ADCY6: variants seen among roughly 807,000 people sequenced by gnomAD.
ADCY6 encodes adenylate cyclase 6.
In ADCY6, 59 loss-of-function variants were observed where a neutral mutation model predicts 111.6. The ratio of observed to expected loss-of-function variants is 0.53; its 90% CI spans 0.43 to 0.66. ADCY6 has a LOEUF of 0.66. Among genes scored for constraint, ADCY6 ranks in the 30% least tolerant of loss-of-function variants. The pLI is 0.00. For missense variants in ADCY6, 1,242 were observed against 1,595.6 expected, an observed-to-expected ratio of 0.78 and a Z score of 3.78; for synonymous variants, 576 against 642.9, an observed-to-expected ratio of 0.90 and a Z score of 1.57.
chr12:48,769,759 G>GTTT (rs1238353646), intron 20 of ADCY6, among the ~76,000 whole-genome samples: 1 of 103,794 alleles, frequency 9.6e-6, no homozygotes. Flanking sequence ...ACTAATTTTT[G>GTTT]TTTTTTTTTT....
chr12:48,785,032 G>A (rs1941955105), intron 1 of ADCY6, among the ~76,000 whole-genome samples: 1 of 152,126 alleles, frequency 6.6e-6, no homozygotes. Context: ...AGTGCCTGCT[G>A]TTCCCTCTGT....
Position 48,782,228 on chromosome 12 carries a change from T to C in ADCY6, c.864+343A>G, listed in dbSNP as rs563108069. ...CAGCCCCACGGTGGCCCTGGGGCTA[T>C]ATACCACACCCCTGCCTCCAGCCCC... On this transcript the variant is annotated intron_variant, in intron 2 of 21. Transcript: ENST00000357869. The surrounding 1 kb of genome is among the most constrained non-coding windows in gnomAD (Gnocchi z 4.3). Among the ~76,000 whole-genome samples the C allele has an allele frequency of 3.9e-5, 6 of 152,194 alleles. No homozygotes were observed. The South Asian group carries it at 1.0e-3, about 26-fold the overall frequency.
rs1224217845 is a variant in ADCY6 at position 48,769,621 on chromosome 12, C to G, written c.3257-560G>C. Among the ~76,000 whole-genome samples, 3 of 148,142 alleles carry G rather than the reference C, an allele frequency of 2.0e-5. No homozygotes were observed. In the East Asian group the frequency reaches 6.0e-4, roughly 30 times the overall value. ...TTTTTTTTTGAGATGGAGTCTTGCT[C>G]TGTTGCCCAGGATGGAGTGCAGTGG... On this transcript the variant is annotated intron_variant, in intron 20 of 21. Transcript: ENST00000357869.
At chr12:48,772,593 G>A (rs375329321) in intron 16 of ADCY6, 50 bp from the exon 17 acceptor site, 14 of 1,607,840 alleles carry the variant, frequency 8.7e-6, no homozygotes, top group Non-Finnish European at 1.2e-5. Flanking sequence ...CTGGATTGCT[G>A]GGTGGGCACA....
In ADCY6 at chr12:48,776,062, C is replaced by A. The variant is rs758319947; in HGVS notation, c.1707G>T (p.Leu569=). The A allele has an allele frequency of 6.2e-6, 10 of 1,613,496 alleles. No homozygotes were observed. The highest frequency in any genetic ancestry group is 8.5e-6 in the Non-Finnish European group (10 of 1,179,734). The part of the protein sequence containing the change: ...RKEEKAMLAK[L]QRTRANSMEG... ...CCATGGAGTTGGCCCGAGTCCGCTG[C>A]AGCTTGGCCAGCATGGCCTTCTCCT... The change falls in exon 9 of 22, where the codon CTG becomes CTT. Residue 569 remains leucine (L), a synonymous_variant. Transcript: ENST00000357869. This position sits in a 1 kb window ranked among gnomAD's most constrained non-coding sequence, Gnocchi z 6.1.
In ADCY6 at chr12:48,779,113, C is replaced by G. The variant is rs149828927; in HGVS notation, c.865-856G>C. Reference sequence around the variant, plus strand: ...GTCAGGCTGGTCTTGAACTCCTGACCTCAAGTGATCCGCCCACCTCGGCTT... The same window carrying G: ...GTCAGGCTGGTCTTGAACTCCTGACGTCAAGTGATCCGCCCACCTCGGCTT... On this transcript the variant is annotated intron_variant, in intron 2 of 21. Coordinates refer to ENST00000357869, the MANE Select transcript of ADCY6 (RefSeq NM_015270.5). Among the ~76,000 whole-genome samples the G allele has an allele frequency of 3.2e-3, 482 of 152,052 alleles. 1 individual carries two copies. The highest frequency in any genetic ancestry group is 4.7e-3 in the Non-Finnish European group (322 of 67,984).
chr12:48,781,350 G>A (rs950151317), intron 2 of ADCY6, among the ~76,000 whole-genome samples: 20 of 152,298 alleles, frequency 1.3e-4, no homozygotes, highest in African/African-American at 4.3e-4. Flanking sequence ...TGGGCAACAG[G>A]CCACAAGCCT....
At chr12:48,784,576 C>T (rs980784944) in intron 1 of ADCY6, among the ~76,000 whole-genome samples, 1 of 151,526 alleles carries the variant, frequency 6.6e-6, no homozygotes, top group Non-Finnish European at 1.5e-5. Flanking sequence ...ATGGGGCAGG[C>T]ACCACCCAGC....
Position 48,783,253 on chromosome 12 carries a change from G to T in ADCY6, c.182C>A (p.Pro61His). The T allele has an allele frequency of 6.2e-7, 1 of 1,610,390 alleles. No individual in the cohort carries two copies. Among genetic ancestry groups the T allele is most frequent in the Admixed American group, 1.7e-5 (1 of 59,938 alleles). ...EPPSPTPAGP[P>H]RCPWQDDAFI... ...GGCGTCATCCTGCCAGGGGCACCGA[G>T]GGGGGCCCGCAGGGGTGGGGCTGGG... Residue 61 changes from proline to histidine, a missense_variant, in exon 2 of 22, where the codon CCT becomes CAT. Pro to His is a moderately conservative substitution (Grantham distance 77). Around this residue, in one of 4 missense-constraint regions of ADCY6, gnomAD observed 362 missense variants for 377.2 expected, o/e 0.96. Coordinates refer to ENST00000357869, the MANE Select transcript of ADCY6 (RefSeq NM_015270.5).
chr12:48,775,334 A>G lies in ADCY6; in HGVS notation c.1949T>C (p.Leu650Pro). The G allele has an allele frequency of 6.2e-7, 1 of 1,613,906 alleles. No homozygotes were observed. Among genetic ancestry groups the G allele is most frequent in the South Asian group, 1.1e-5 (1 of 91,076 alleles). ...CTCAAGATCCTCTCTCTGGAAGGTG[A>G]GCAGAAACCGGCGCACATGGTCCTT... is the stretch of plus-strand genomic sequence containing the variant. The part of the protein sequence containing the change: ...LRKDHVRRFL[L>P]TFQREDLEKK... The change falls in exon 11 of 22, where the codon CTC becomes CCC. Residue 650 changes from leucine to proline, a missense_variant. Around this residue, in one of 4 missense-constraint regions of ADCY6, gnomAD observed 375 missense variants for 432.5 expected, o/e 0.87. Coordinates refer to ENST00000357869, the MANE Select transcript of ADCY6 (RefSeq NM_015270.5).
At position 48,773,978 on chromosome 12, in the gene ADCY6, G is replaced by T. The variant is rs765442619; in HGVS notation, c.2404C>A (p.Leu802Met). 8 of 1,613,910 alleles carry T rather than the reference G, an allele frequency of 5.0e-6. No homozygotes were observed. The South Asian group carries it at 7.7e-5, about 16-fold the overall frequency. Residue 802 changes from leucine to methionine, a missense_variant, in exon 15 of 22, where the codon CTG becomes ATG. Physicochemically the swap from Leu to Met is conservative, Grantham distance 15 (BLOSUM62 2). Transcript: ENST00000357869. ...LNYSLGLDAP[L>M]CEGTMPTCSF... ...CAGGTGGGCATGGTGCCCTCACACAGGGGAGCATCCAGGCCCAGAGAGTAA... is the reference window on the plus strand; with the variant it reads ...CAGGTGGGCATGGTGCCCTCACACATGGGAGCATCCAGGCCCAGAGAGTAA...
In ADCY6 at chr12:48,777,813, C is replaced by T; in HGVS notation, c.1015-77G>A. On this transcript the variant is annotated intron_variant, in intron 3 of 21. Transcript: ENST00000357869. The surrounding 1 kb of genome is among the most constrained non-coding windows in gnomAD (Gnocchi z 4.9). ...AATCCCTCCTGGTCTCTCCACATCGCCAGAGCCCTCCTAGACTTCTCTGAA... is the reference window on the plus strand; with the variant it reads ...AATCCCTCCTGGTCTCTCCACATCGTCAGAGCCCTCCTAGACTTCTCTGAA... The T allele has an allele frequency of 2.5e-6, 4 of 1,576,658 alleles. No homozygotes were observed. The highest frequency in any genetic ancestry group is 3.4e-6 in the Non-Finnish European group (4 of 1,161,962).
intron 2 of ADCY6, among the ~76,000 whole-genome samples, chr12:48,780,728 T>G (rs1941819607): frequency 6.6e-6 from 1 of 152,080 alleles, no homozygotes; most frequent in African/African-American, 2.4e-5. Context: ...AGACACCACC[T>G]CTAAGCTCCT....
chr12:48,781,355 A>C (rs1015623663), intron 2 of ADCY6, among the ~76,000 whole-genome samples: 2 of 152,204 alleles, frequency 1.3e-5, no homozygotes, highest in African/African-American at 2.4e-5. Context: ...AACAGGCCAC[A>C]AGCCTTCAAA....
chr12:48,773,945 G>T lies in ADCY6; in HGVS notation c.2437C>A (p.Pro813Thr). Residue 813 changes from proline (P) to threonine (T), a missense_variant, in exon 15 of 22, where the codon CCT (proline) becomes ACT (threonine). Pro to Thr is a conservative substitution (Grantham distance 38, BLOSUM62 -1). This residue lies in a region of ADCY6 where 375 missense variants were observed against 432.5 expected (regional missense o/e 0.87). Coordinates refer to ENST00000357869, the MANE Select transcript of ADCY6 (RefSeq NM_015270.5). ...CEGTMPTCSF[P>T]EYFIGNMLLS... The stretch of plus-strand genomic sequence containing the variant: ...CCTGAGCACTGCTCGAACACCTCAG[G>T]AAAGCTGCAGGTGGGCATGGTGCCC... The T allele has an allele frequency of 6.2e-7, 1 of 1,613,778 alleles. No homozygotes were observed. Among genetic ancestry groups the T allele is most frequent in the Non-Finnish European group, 8.5e-7 (1 of 1,179,870 alleles).
chr12:48,773,693 GCACCC>G, intron 15 of ADCY6, 46 bp from the exon 16 acceptor site: 1 of 1,607,322 alleles, frequency 6.2e-7, no homozygotes, highest in Non-Finnish European at 8.5e-7. Context: ...AGAGGCCACA[GCACCC>G]TTGGGCAGGG....
rs933759053 is a variant in ADCY6, at chr12:48,789,060, C to G, written c.-159G>C. 1.3e-5 allele frequency: 2 copies of G among 150,916 alleles called. No homozygotes were observed. Among genetic ancestry groups the G allele is most frequent in the Non-Finnish European group, 3.0e-5 (2 of 67,630 alleles). 9.3% of individuals were successfully genotyped at this position (150,916 alleles called of 1,614,324 possible). On this transcript the variant is annotated 5_prime_UTR_variant, in exon 1 of 22. Coordinates refer to ENST00000357869, the MANE Select transcript of ADCY6 (RefSeq NM_015270.5). ...CCGCCGTCCGCCCGGCCCTCGCCCCCTCCCGAGCTGTCCAGCGCAGCCGCC... is the reference window on the plus strand; with the variant it reads ...CCGCCGTCCGCCCGGCCCTCGCCCCGTCCCGAGCTGTCCAGCGCAGCCGCC...
chr12:48,771,847 A>T lies in ADCY6; in HGVS notation c.2914T>A (p.Tyr972Asn). ...ARERRNDELY[Y>N]QSCECVAVMF... ...ACAGCCACACACTCACACGACTGAT[A>T]GTAGAGTTCATCATTGCGGCGCTCC... The change falls in exon 19 of 22, where the codon TAT becomes AAT. Residue 972 changes from tyrosine to asparagine, a missense_variant. This residue lies in a region of ADCY6 where 245 missense variants were observed against 371.3 expected (regional missense o/e 0.66). Coordinates refer to ENST00000357869, the MANE Select transcript of ADCY6 (RefSeq NM_015270.5). This position sits in a 1 kb window ranked among gnomAD's most constrained non-coding sequence, Gnocchi z 4.3. 6.2e-7 allele frequency: 1 copy of T among 1,614,210 alleles called. No homozygotes were observed. Among genetic ancestry groups the T allele is most frequent in the Non-Finnish European group, 8.5e-7 (1 of 1,180,038 alleles).
At chr12:48,787,804 C>T (rs1389016963) in intron 1 of ADCY6, among the ~76,000 whole-genome samples, 1 of 152,208 alleles carries the variant, frequency 6.6e-6, no homozygotes, top group East Asian at 1.9e-4. Flanking sequence ...TCCCATTCAG[C>T]CTGGCAGGCC....
Sources: gnomAD v4.1 joint callset for allele counts (sites outside exome capture counted in the v4.1 genomes callset) on GRCh38, gnomAD v4.1.1 for gene constraint, gnomAD v4.1.1 regional missense constraint, Gnocchi (gnomAD v3.1) non-coding constraint, MANE v1.5 for transcripts, NCBI Gene and HGNC (gene_info 2026-07-23, HGNC 2026-07-21) for gene names.